The following PRAME variants were observed in gnomAD, a reference collection of about 807,000 sequenced individuals.
PRAME encodes the protein PRAME nuclear receptor transcriptional regulator, also known as melanoma antigen preferentially expressed in tumors.
A neutral mutation model predicts 32.1 loss-of-function variants in PRAME; 21 were observed. That is an observed-to-expected ratio of 0.65 (90% CI 0.46 to 0.94). The LOEUF is 0.94. PRAME is among the 40% of genes least tolerant of loss of function. The probability of loss-of-function intolerance (pLI) is 0.00; values close to 1 mark genes in which losing one functional copy is unlikely to be tolerated. For synonymous variants in PRAME, 274 were observed against 251.5 expected, an observed-to-expected ratio of 1.09 and a Z score of -0.85; for missense variants, 651 against 622.3, an observed-to-expected ratio of 1.05 and a Z score of -0.49.
intron 3 of PRAME, among the ~76,000 whole-genome samples, chr22:22,556,351 G>A (rs573425255): frequency 1.0e-4 from 15 of 148,556 alleles, no homozygotes; most frequent in Admixed American, 6.7e-4. Flanking sequence ...TCGCTCTGTC[G>A]CCAGGCTGGA....
intron 3 of PRAME, chr22:22,552,701 G>A (rs2062662183): frequency 3.3e-6 from 1 of 299,336 alleles, no homozygotes; most frequent in African/African-American, 2.2e-5. Context: ...CCTTTGTAAG[G>A]AAAGAAAAAG....
intron 3 of PRAME, chr22:22,553,076 A>C (rs2062695317): frequency 2.7e-6 from 1 of 374,826 alleles, no homozygotes; most frequent in Admixed American, 3.4e-5. Context: ...AAAGGAAAGA[A>C]AAAGTGAACA....
Position 22,548,551 on chromosome 22 carries a change from C to G in PRAME, c.1046G>C (p.Ser349Thr), listed in dbSNP as rs1212834315. ...ACTTAGACTCAGGACACTTAGCTGACTGACGCTGGGACTCTGGGACAGATG... is the reference window on the plus strand; with the variant it reads ...ACTTAGACTCAGGACACTTAGCTGAGTGACGCTGGGACTCTGGGACAGATG... ...VMHLSQSPSV[S>T]QLSVLSLSGV... The change falls in exon 6 of 6, where the codon AGT becomes ACT. Residue 349 changes from serine (S) to threonine (T), a missense_variant. By Grantham distance (58) the Ser-to-Thr change is moderately conservative (BLOSUM62 1). Transcript: ENST00000405655. 1 of 1,613,542 alleles carries G rather than the reference C, an allele frequency of 6.2e-7. No individual in the cohort carries two copies. The highest frequency in any genetic ancestry group is 1.1e-5 in the South Asian group (1 of 91,068).
At chr22:22,552,150 A>G (rs900874125) in intron 3 of PRAME, among the ~76,000 whole-genome samples, 1 of 151,182 alleles carries the variant, frequency 6.6e-6, no homozygotes, top group African/African-American at 2.4e-5. Flanking sequence ...AAAAGAAAGA[A>G]AATGTCTTTA....
chr22:22,555,968 GCAATAAGGTC>G, intron 3 of PRAME: 1 of 455,528 alleles, frequency 2.2e-6, no homozygotes, highest in Non-Finnish European at 4.6e-6. Context: ...CGTGGCTTTG[GCAATAAGGTC>G]CACAATGCAT....
At chr22:22,557,614 A>AG (rs1018440415) in intron 1 of PRAME, 34 bp from the exon 2 acceptor site, 1 of 127,894 alleles carries the variant, frequency 7.8e-6, no homozygotes, top group Non-Finnish European at 1.6e-5. Context: ...GGCTCAGCTA[A>AG]GCGCCCTAGC....
At position 22,549,995 on chromosome 22, in the gene PRAME, T is replaced by C. The variant is rs749299505; in HGVS notation, c.684A>G (p.Lys228=). 5.0e-6 allele frequency: 8 copies of C among 1,613,750 alleles called. No individual in the cohort carries two copies. In the African/African-American group the frequency reaches 1.1e-4, roughly 22 times the overall value. Residue 228 remains lysine, a synonymous_variant, in exon 5 of 6, where the codon AAA becomes AAG. Transcript: ENST00000405655. ...CTTCAATAGAGTCCAGCTGCACCAT[T>C]TTCAGGATCATCTTGATATCCTGCA... The part of the protein sequence containing the change: ...MPMQDIKMIL[K]MVQLDSIEDL...
chr22:22,555,313 T>C (rs911657619), intron 3 of PRAME, among the ~76,000 whole-genome samples: 1 of 151,838 alleles, frequency 6.6e-6, no homozygotes, highest in African/African-American at 2.4e-5. Context: ...CTTGGCTCAC[T>C]GCAACCTCTG....
At chr22:22,548,704 GA>G in intron 5 of PRAME, 61 bp from the exon 6 acceptor site, 1 of 1,420,520 alleles carries the variant, frequency 7.0e-7, no homozygotes, top group Non-Finnish European at 9.5e-7. Flanking sequence ...GGAGACTGGA[GA>G]GAGGCCCATT....
chr22:22,553,030 C>A (rs894527748), intron 3 of PRAME: 4 of 434,008 alleles, frequency 9.2e-6, no homozygotes, highest in Non-Finnish European at 1.9e-5. Flanking sequence ...TTACTTACTT[C>A]AGGTTCAACT....
rs763244044 is a variant in PRAME at position 22,551,075 on chromosome 22, G to C, written c.36C>G (p.Ser12Arg). ...ERRRLWGSIQ[S>R]RYISMSVWTS... ...TCCACACACTCATGCTGATGTATCG[G>C]CTCTGAATGGAACCCTGAGGAAACA... Residue 12 changes from serine (S) to arginine (R), a missense_variant, in exon 4 of 6, where the codon AGC becomes AGG. Ser to Arg is a moderately radical substitution (Grantham distance 110, BLOSUM62 -1). Coordinates refer to ENST00000405655, the MANE Select transcript of PRAME (RefSeq NM_206956.3). 6.7e-5 allele frequency: 105 copies of C among 1,577,980 alleles called. No homozygotes were observed. In the Admixed American group the frequency reaches 1.8e-3, roughly 27 times the overall value.
rs2062889423 is a variant in PRAME, at chr22:22,555,994, T to A, written c.21+818A>T. On this transcript the variant is annotated intron_variant, in intron 3 of 5. Transcript: ENST00000405655. ...CAATAAGGTCCACAATGCATTAAGA[T>A]TTTTTTTTTTTTTTTGGAGGAGGAG... 7.8e-3 allele frequency: 23 copies of A among 2,952 alleles called. No individual in the cohort carries two copies. The South Asian group carries it at 0.15, about 19-fold the overall frequency. 0.2% of individuals were successfully genotyped at this position (2,952 alleles called of 1,614,324 possible). A position where few individuals can be genotyped will look rare whatever the true frequency, so the allele number is the denominator to read the frequency against.
Sources: allele counts gnomAD v4.1 joint callset (sites outside exome capture counted in the v4.1 genomes callset), GRCh38; gene constraint gnomAD v4.1.1; transcripts MANE v1.5; gene names NCBI Gene and HGNC (gene_info 2026-07-23, HGNC 2026-07-21).